The following PLXDC2 variants were observed in gnomAD, a reference collection of about 807,000 sequenced individuals.
PLXDC2 encodes the protein plexin domain-containing protein 2.
A neutral mutation model predicts 68.9 loss-of-function variants in PLXDC2; 40 were observed. The ratio of observed to expected loss-of-function variants is 0.58; its 90% CI spans 0.45 to 0.76. PLXDC2 has a LOEUF of 0.76. Among genes scored for constraint, PLXDC2 ranks in the 30% least tolerant of loss-of-function variants. The pLI is 0.00. For missense variants in PLXDC2, 644 were observed against 661.9 expected, an observed-to-expected ratio of 0.97 and a Z score of 0.30; for synonymous variants, 243 against 234.2, an observed-to-expected ratio of 1.04 and a Z score of -0.34.
intron 4 of PLXDC2, among the ~76,000 whole-genome samples, chr10:20,125,128 C>T (rs1490499947): frequency 6.6e-6 from 1 of 151,936 alleles, no homozygotes; most frequent in African/African-American, 2.4e-5. Context: ...GTAATGTCCC[C>T]CAGACATTGT....
intron 13 of PLXDC2, among the ~76,000 whole-genome samples, chr10:20,262,786 C>T (rs1835825700): frequency 1.3e-5 from 2 of 152,244 alleles, no homozygotes; most frequent in African/African-American, 4.8e-5. Flanking sequence ...CCCAAGCATA[C>T]CACAGCAGCC....
chr10:20,178,539 C>T (rs769444817), intron 9 of PLXDC2, among the ~76,000 whole-genome samples: 2 of 151,930 alleles, frequency 1.3e-5, no homozygotes, highest in East Asian at 3.9e-4. Context: ...GGAGGGAAAC[C>T]GAATATTCAT....
chr10:20,014,608 T>C (rs140907225), intron 2 of PLXDC2, among the ~76,000 whole-genome samples: 2,789 of 152,206 alleles, frequency 0.018, 40 homozygotes, highest in Middle Eastern at 0.041. Context: ...TAAAATTACT[T>C]TTGCCGTGAG....
intron 13 of PLXDC2, among the ~76,000 whole-genome samples, chr10:20,254,086 C>T (rs1048093269): frequency 2.0e-5 from 3 of 152,134 alleles, no homozygotes; most frequent in Admixed American, 2.0e-4. Flanking sequence ...TTCCTCACCC[C>T]GGCCCTATAG....
chr10:20,137,790 G>A (rs1054270575), intron 4 of PLXDC2, among the ~76,000 whole-genome samples: 2 of 152,214 alleles, frequency 1.3e-5, no homozygotes, highest in South Asian at 2.1e-4. Flanking sequence ...GAGTTCGCAC[G>A]TTCTCCCCAT....
chr10:20,191,671 G>C lies in PLXDC2; in HGVS notation c.1061+14262G>C, dbSNP rs12268091. 8.6e-3 allele frequency among the ~76,000 whole-genome samples: 1,304 copies of C among 150,988 alleles called. 16 individuals carry two copies. The highest frequency in any genetic ancestry group is 0.029 in the African/African-American group (1,203 of 41,294). On this transcript the variant is annotated intron_variant, in intron 9 of 13. Coordinates refer to ENST00000377252, the MANE Select transcript of PLXDC2 (RefSeq NM_032812.9). The stretch of plus-strand genomic sequence containing the variant: ...CTCATTGTTGTGGGGTGGAGGGAGG[G>C]GGGAGGGATAGCATTAGGAGATACA...
intron 7 of PLXDC2, among the ~76,000 whole-genome samples, chr10:20,170,108 G>A (rs1291507556): frequency 6.6e-6 from 1 of 152,174 alleles, no homozygotes; most frequent in Non-Finnish European, 1.5e-5. Context: ...ATACTACAAA[G>A]AGGGTCTTTG....
At chr10:20,049,314 C>T (rs977619071) in intron 3 of PLXDC2, among the ~76,000 whole-genome samples, 1 of 152,070 alleles carries the variant, frequency 6.6e-6, no homozygotes, top group African/African-American at 2.4e-5. Flanking sequence ...CAAGGATGAC[C>T]TCTGTCGTCA....
intron 12 of PLXDC2, among the ~76,000 whole-genome samples, chr10:20,241,994 A>G (rs1212542513): frequency 6.6e-6 from 1 of 152,140 alleles, no homozygotes; most frequent in African/African-American, 2.4e-5. Context: ...AGAAACAGCA[A>G]GAAAGAGAGG....
At chr10:19,848,422 GTGACTTCTACCA>G in intron 1 of PLXDC2, among the ~76,000 whole-genome samples, 1 of 152,114 alleles carries the variant, frequency 6.6e-6, no homozygotes, top group African/African-American at 2.4e-5. Context: ...CTATCTGTTG[GTGACTTCTACCA>G]GTTCCCCAGC....
intron 13 of PLXDC2, among the ~76,000 whole-genome samples, chr10:20,278,002 G>T (rs76818584): frequency 6.6e-6 from 1 of 152,148 alleles, no homozygotes; most frequent in African/African-American, 2.4e-5. Flanking sequence ...GTCCATCCAC[G>T]TTGTTGTGAA....
At chr10:20,072,424 G>GAAAAGAA (rs1554764522) in intron 4 of PLXDC2, among the ~76,000 whole-genome samples, 8 of 130,338 alleles carry the variant, frequency 6.1e-5, no homozygotes, top group Admixed American at 4.8e-4. Context: ...GAAAGAAAGA[G>GAAAAGAA]AGAAAGAAAG....
chr10:20,161,990 C>T (rs1834298674), intron 6 of PLXDC2, among the ~76,000 whole-genome samples: 2 of 149,646 alleles, frequency 1.3e-5, no homozygotes, highest in Admixed American at 1.3e-4. Flanking sequence ...CCATTGCACT[C>T]CAGCCTGGAC....
At chr10:19,940,660 C>T (rs980428271) in intron 1 of PLXDC2, among the ~76,000 whole-genome samples, 4 of 151,900 alleles carry the variant, frequency 2.6e-5, no homozygotes, top group African/African-American at 4.8e-5. Context: ...AGAATACATG[C>T]CAACCACCTA....
chr10:20,270,624 A>G (rs1256473597), intron 13 of PLXDC2, among the ~76,000 whole-genome samples: 1 of 151,968 alleles, frequency 6.6e-6, no homozygotes, highest in African/African-American at 2.4e-5. Flanking sequence ...GGCTCACTGC[A>G]ATCTCCGCCT....
At chr10:20,161,601 A>G (rs546928360) in intron 6 of PLXDC2, among the ~76,000 whole-genome samples, 11 of 152,184 alleles carry the variant, frequency 7.2e-5, no homozygotes, top group African/African-American at 2.6e-4. Context: ...CACCAATAAA[A>G]AGCACTGGAG....
At chr10:20,245,733 A>T (rs191007863) in intron 13 of PLXDC2, among the ~76,000 whole-genome samples, 26 of 152,280 alleles carry the variant, frequency 1.7e-4, no homozygotes, top group African/African-American at 4.8e-4. Context: ...AAAGACATAA[A>T]CTATCTTGTC....
At chr10:20,276,163 T>C (rs535406407) in intron 13 of PLXDC2, among the ~76,000 whole-genome samples, 1 of 152,266 alleles carries the variant, frequency 6.6e-6, no homozygotes, top group Admixed American at 6.5e-5. Flanking sequence ...GTGTTTTCTA[T>C]CTGGGCCTTT....
At chr10:19,967,699 G>A (rs991422867) in intron 1 of PLXDC2, among the ~76,000 whole-genome samples, 26 of 152,134 alleles carry the variant, frequency 1.7e-4, no homozygotes, top group African/African-American at 6.3e-4. Context: ...CAGATACTAT[G>A]TCATGTCCAC....
Sources: gnomAD v4.1 joint callset for allele counts (sites outside exome capture counted in the v4.1 genomes callset) on GRCh38, gnomAD v4.1.1 for gene constraint, MANE v1.5 for transcripts, NCBI Gene and HGNC (gene_info 2026-07-23, HGNC 2026-07-21) for gene names.